WWP1: variants seen among roughly 807,000 people sequenced by gnomAD.
The protein encoded by WWP1 is WW domain containing E3 ubiquitin protein ligase 1, also known as NEDD4-like E3 ubiquitin-protein ligase WWP1.
WWP1 carries 49 observed loss-of-function variants against 130.6 expected under a neutral mutation model. That is an observed-to-expected ratio of 0.38 (90% CI 0.30 to 0.48). The LOEUF (loss-of-function observed/expected upper bound fraction) is 0.48, where lower values mean the gene tolerates loss of function less well. Ranked by LOEUF, WWP1 falls within the 20% of genes least tolerant of loss-of-function variation. WWP1 has a pLI of 0.99. For missense variants in WWP1, 809 were observed against 1,100.6 expected (o/e 0.74, Z 3.75); for synonymous variants, 332 against 367.8 (o/e 0.90, Z 1.11).
intron 9 of WWP1, chr8:86,417,095 A>G (rs1043494272): frequency 2.0e-5 from 3 of 152,554 alleles, no homozygotes; most frequent in African/African-American, 4.8e-5. Context: ...AGAGAAGGGC[A>G]CACACAGGGA....
At position 86,431,633 on chromosome 8, in the gene WWP1, C is replaced by T; in HGVS notation, c.1491C>T (p.Pro497=). The change falls in exon 14 of 25, where the codon CCC becomes CCT. Residue 497 remains proline, a synonymous_variant. Coordinates refer to ENST00000517970, the MANE Select transcript of WWP1 (RefSeq NM_007013.4). ...PRTQGLQNEE[P]LPEGWEIRYT... ...CTTTTAGCTTACAGAATGAAGAACCCCTGCCAGAAGGCTGGGAAATTAGAT... is the reference window on the plus strand; with the variant it reads ...CTTTTAGCTTACAGAATGAAGAACCTCTGCCAGAAGGCTGGGAAATTAGAT... 6.2e-7 allele frequency: 1 copy of T among 1,613,632 alleles called. No homozygotes were observed. Among genetic ancestry groups the T allele is most frequent in the African/African-American group, 1.3e-5 (1 of 74,978 alleles).
intron 24 of WWP1, 78 bp from the exon 25 acceptor site, chr8:86,466,716 T>C (rs1812184804): frequency 9.9e-7 from 1 of 1,006,274 alleles, no homozygotes; most frequent in East Asian, 2.5e-5. Flanking sequence ...TCAGCATTTC[T>C]ATGTGCTTTG....
chr8:86,441,449 A>G (rs1017701346), intron 17 of WWP1, among the ~76,000 whole-genome samples: 5 of 152,252 alleles, frequency 3.3e-5, no homozygotes, highest in Admixed American at 2.0e-4. Context: ...ACAGGCTGCC[A>G]GGCCAGATGT....
At position 86,467,287 on chromosome 8, in the gene WWP1, A is replaced by G. The variant is rs1476950342; in HGVS notation, c.*394A>G. 6.3e-6 allele frequency: 1 copy of G among 158,824 alleles called. No individual in the cohort carries two copies. Among genetic ancestry groups the G allele is most frequent in the Non-Finnish European group, 1.4e-5 (1 of 72,760 alleles). 9.8% of individuals were successfully genotyped at this position (158,824 alleles called of 1,614,324 possible). ...ATATTATCTAGGGGAAAAAGTGCAA[A>G]TTGCTCCATGTTCTTCTCTCCCTTA... is the stretch of plus-strand genomic sequence containing the variant. On this transcript the variant is annotated 3_prime_UTR_variant, in exon 25 of 25. Transcript: ENST00000517970.
chr8:86,401,971 T>A, intron 7 of WWP1, 48 bp from the exon 8 acceptor site: 2 of 1,408,732 alleles, frequency 1.4e-6, no homozygotes, highest in South Asian at 1.7e-5. Context: ...TCATGAAATG[T>A]TGTTGAATTA....
At chr8:86,364,825 AAGAAAGAAAGAG>A (rs1057445604) in intron 1 of WWP1, among the ~76,000 whole-genome samples, 22 of 136,736 alleles carry the variant, frequency 1.6e-4, no homozygotes, top group South Asian at 1.4e-3. Flanking sequence ...GAAAGAAAGA[AAGAAAGAAAGAG>A]AGAGAGAGAG....
intron 11 of WWP1, among the ~76,000 whole-genome samples, chr8:86,429,375 A>G (rs1809811468): frequency 6.6e-6 from 1 of 152,184 alleles, no homozygotes. Context: ...TTGGTTCTCA[A>G]GAACAGGTGG....
At chr8:86,407,118 T>G (rs535031924) in intron 8 of WWP1, among the ~76,000 whole-genome samples, 1 of 152,306 alleles carries the variant, frequency 6.6e-6, no homozygotes, top group Non-Finnish European at 1.5e-5. Context: ...TGTGGTCTTA[T>G]GTCTTGTGGA....
chr8:86,387,944 G>T (rs1313104459), intron 5 of WWP1, among the ~76,000 whole-genome samples: 1 of 152,186 alleles, frequency 6.6e-6, no homozygotes, highest in Non-Finnish European at 1.5e-5. Context: ...GTTATATTCT[G>T]TATCTCTGCT....
In WWP1 at chr8:86,452,701, A is replaced by G. The variant is rs368349859; in HGVS notation, c.2394+22A>G. ...AGAGGTTAGGCCCTTTTATTATGCT[A>G]TTGTAGGGAATGTTAGTGGGGGGAG... is the stretch of plus-strand genomic sequence containing the variant. On this transcript the variant is annotated intron_variant, in intron 21 of 24. Transcript: ENST00000517970. The G allele has an allele frequency of 1.4e-5, 22 of 1,609,112 alleles. No homozygotes were observed. In the African/African-American group the frequency reaches 1.5e-4, roughly 11 times the overall value.
chr8:86,402,043 AATAG>A lies in WWP1; in HGVS notation c.568_571del (p.Asp190IlefsTer8). On this transcript the variant is annotated frameshift_variant, in exon 8 of 25. Coordinates refer to ENST00000517970, the MANE Select transcript of WWP1 (RefSeq NM_007013.4). LOFTEE classifies it high-confidence loss of function. ...GGTTGGCTGTTGAAGGCACGAATGG[AATAG>A]ATAATCATGTACCTACAAGCACTCT... 6.2e-7 allele frequency: 1 copy of A among 1,604,430 alleles called. No individual in the cohort carries two copies. Among genetic ancestry groups the A allele is most frequent in the Non-Finnish European group, 8.5e-7 (1 of 1,175,082 alleles).
At chr8:86,368,149 G>A (rs77530573) in intron 1 of WWP1, among the ~76,000 whole-genome samples, 8,260 of 152,006 alleles carry the variant, frequency 0.054, 382 homozygotes, top group African/African-American at 0.12. Context: ...TCTTTACTTC[G>A]TGTCATATAC....
chr8:86,451,272 C>A (rs114094376), intron 20 of WWP1, among the ~76,000 whole-genome samples: 1 of 127,570 alleles, frequency 7.8e-6, no homozygotes, highest in Non-Finnish European at 1.6e-5. Context: ...AAAGCTTGCC[C>A]GATAGAGGGA....
chr8:86,380,594 A>G (rs970986750), intron 3 of WWP1, 132 bp from the exon 4 acceptor site: 4 of 1,025,372 alleles, frequency 3.9e-6, no homozygotes, highest in Non-Finnish European at 5.3e-6. Flanking sequence ...GCCCTTTTGT[A>G]TTGTTTCTTC....
rs761322468 is a variant in WWP1, at chr8:86,427,785, A to G, written c.1300A>G (p.Met434Val). The change falls in exon 11 of 25, where the codon ATG becomes GTG. Residue 434 changes from methionine to valine, a missense_variant. Coordinates refer to ENST00000517970, the MANE Select transcript of WWP1 (RefSeq NM_007013.4). ...QSQRNQLQGAMQQFNQRYLYS... is the reference protein window; with the variant it reads ...QSQRNQLQGAVQQFNQRYLYS... Reference sequence around the variant, plus strand: ...TCAGCGGAACCAATTGCAGGGAGCTATGCAACAGTTTAACCAACGATACCT... The same window carrying G: ...TCAGCGGAACCAATTGCAGGGAGCTGTGCAACAGTTTAACCAACGATACCT... The G allele has an allele frequency of 4.3e-6, 7 of 1,613,092 alleles. No individual in the cohort carries two copies. Among genetic ancestry groups the G allele is most frequent in the African/African-American group, 1.3e-5 (1 of 74,894 alleles).
chr8:86,413,107 T>C (rs1213240367), intron 9 of WWP1, among the ~76,000 whole-genome samples: 1 of 152,216 alleles, frequency 6.6e-6, no homozygotes, highest in Non-Finnish European at 1.5e-5. Flanking sequence ...ATTACAGGTG[T>C]GAGCCACCAT....
chr8:86,441,252 G>A (rs1810577094), intron 17 of WWP1, among the ~76,000 whole-genome samples: 1 of 152,062 alleles, frequency 6.6e-6, no homozygotes, highest in South Asian at 2.1e-4. Context: ...TCTTACCTGG[G>A]GTATGTCTTA....
At chr8:86,417,474 G>A (rs1401050510) in intron 9 of WWP1, among the ~76,000 whole-genome samples, 2 of 152,154 alleles carry the variant, frequency 1.3e-5, no homozygotes, top group African/African-American at 2.4e-5. Flanking sequence ...AATGTTCTGT[G>A]TAGCAAGAAA....
chr8:86,426,078 TA>T (rs1160834169), intron 10 of WWP1, among the ~76,000 whole-genome samples: 1 of 152,250 alleles, frequency 6.6e-6, no homozygotes, highest in Admixed American at 6.5e-5. Context: ...TTTTATGGGA[TA>T]TTTCTCTTTT....
Sources: gnomAD v4.1 joint callset for allele counts (sites outside exome capture counted in the v4.1 genomes callset) on GRCh38, gnomAD v4.1.1 for gene constraint, MANE v1.5 for transcripts, NCBI Gene and HGNC (gene_info 2026-07-23, HGNC 2026-07-21) for gene names.